CADM2: variants seen among roughly 807,000 people sequenced by gnomAD.
CADM2 encodes the protein immunoglobulin superfamily member 4D.
Under a neutral mutation model 49.8 loss-of-function variants are expected in CADM2, and 12 were observed. The observed-to-expected ratio is 0.24, with a 90% CI of 0.15 to 0.39. The LOEUF is 0.39. Among genes scored for constraint, CADM2 ranks in the 10% least tolerant of loss-of-function variants. The probability of loss-of-function intolerance (pLI) is 1.00; values close to 1 mark genes in which losing one functional copy is unlikely to be tolerated. For synonymous variants in CADM2, 214 were observed against 175.4 expected, an observed-to-expected ratio of 1.22 and a Z score of -1.74; for missense variants, 378 against 492.3, an observed-to-expected ratio of 0.77 and a Z score of 2.20.
chr3:85,248,085 A>G lies in CADM2; in HGVS notation c.61+288417A>G, dbSNP rs188211212. 3.7e-3 allele frequency among the ~76,000 whole-genome samples: 564 copies of G among 152,278 alleles called. 2 individuals are homozygous for G. The highest frequency in any genetic ancestry group is 4.3e-3 in the Non-Finnish European group (291 of 68,016). On this transcript the variant is annotated intron_variant, in intron 1 of 9. Transcript: ENST00000383699. The stretch of plus-strand genomic sequence containing the variant: ...TTCACCTATGACTTGTTTATGAACT[A>G]CATTATTTTTCTCAGCAAAAAAACC...
chr3:85,057,876 C>T (rs571541974), intron 1 of CADM2, among the ~76,000 whole-genome samples: 1 of 152,070 alleles, frequency 6.6e-6, no homozygotes, highest in African/African-American at 2.4e-5. Flanking sequence ...GAAGCCTTAA[C>T]ATGTGGGGTT....
At chr3:85,370,366 G>C (rs1027349948) in intron 1 of CADM2, among the ~76,000 whole-genome samples, 2 of 151,914 alleles carry the variant, frequency 1.3e-5, no homozygotes, top group East Asian at 3.9e-4. Flanking sequence ...AGGTGGCATT[G>C]AGCCAAGATC....
rs986440677 is a variant in CADM2 at position 85,967,828 on chromosome 3, G to A, written c.970+6181G>A. On this transcript the variant is annotated intron_variant, in intron 8 of 9. Coordinates refer to ENST00000383699, the MANE Select transcript of CADM2 (RefSeq NM_001167675.2). ...ACTAGGAGAGTACATCTTCTAGCTCGTATGGGTGGCTGGGGAAGGAAAAAA... is the reference window on the plus strand; with the variant it reads ...ACTAGGAGAGTACATCTTCTAGCTCATATGGGTGGCTGGGGAAGGAAAAAA... Among the ~76,000 whole-genome samples the A allele has an allele frequency of 6.6e-5, 10 of 151,600 alleles. No homozygotes were observed. The East Asian group carries it at 9.8e-4, about 15-fold the overall frequency.
intron 1 of CADM2, among the ~76,000 whole-genome samples, chr3:85,001,097 A>G (rs550541081): frequency 2.3e-4 from 35 of 152,220 alleles, no homozygotes; most frequent in African/African-American, 7.9e-4. Context: ...AAATTTAATT[A>G]ACAAATTGAA....
intron 1 of CADM2, among the ~76,000 whole-genome samples, chr3:85,692,673 G>A (rs573327669): frequency 6.6e-6 from 1 of 152,274 alleles, no homozygotes; most frequent in African/African-American, 2.4e-5. Flanking sequence ...AAGGCACTTT[G>A]TTTCTACATG....
intron 1 of CADM2, among the ~76,000 whole-genome samples, chr3:85,612,124 AAC>A (rs530463546): frequency 9.9e-4 from 150 of 152,044 alleles, no homozygotes; most frequent in African/African-American, 3.5e-3. Context: ...AGAAACTAAT[AAC>A]AGTGTATATT....
intron 1 of CADM2, among the ~76,000 whole-genome samples, chr3:85,648,949 A>G (rs2064967306): frequency 6.6e-6 from 1 of 152,058 alleles, no homozygotes; most frequent in Non-Finnish European, 1.5e-5. Flanking sequence ...CCATGTAAAA[A>G]GAAAGAAATA....
chr3:85,941,512 A>G (rs1721903249), intron 7 of CADM2, among the ~76,000 whole-genome samples: 1 of 152,104 alleles, frequency 6.6e-6, no homozygotes, highest in Non-Finnish European at 1.5e-5. Flanking sequence ...ATTAGAGAGA[A>G]GAGAGGCAGT....
chr3:85,008,339 G>A (rs963989342), intron 1 of CADM2, among the ~76,000 whole-genome samples: 9 of 152,106 alleles, frequency 5.9e-5, no homozygotes, highest in African/African-American at 1.2e-4. Context: ...TTTATTCCCA[G>A]TCAGAAGTGG....
intron 2 of CADM2, among the ~76,000 whole-genome samples, chr3:85,788,392 C>T (rs1330547039): frequency 6.6e-6 from 1 of 152,052 alleles, no homozygotes; most frequent in Non-Finnish European, 1.5e-5. Context: ...TTTCTTATTA[C>T]ATTCCGTAAT....
At chr3:85,649,448 C>G (rs139444160) in intron 1 of CADM2, among the ~76,000 whole-genome samples, 5 of 152,230 alleles carry the variant, frequency 3.3e-5, no homozygotes, top group Non-Finnish European at 7.4e-5. Context: ...CCAAAAAGTT[C>G]TAACTCTCAT....
intron 1 of CADM2, among the ~76,000 whole-genome samples, chr3:85,167,976 G>C (rs780918725): frequency 3.4e-4 from 51 of 151,898 alleles, no homozygotes; most frequent in Non-Finnish European, 5.7e-4. Flanking sequence ...CTAGAGCTTC[G>C]GGCCTAAACA....
intron 8 of CADM2, chr3:86,014,847 A>G: frequency 3.3e-6 from 5 of 1,516,814 alleles, no homozygotes; most frequent in Non-Finnish European, 4.4e-6. Context: ...CCTGCCTGAC[A>G]TCAAGTTTTT....
intron 1 of CADM2, among the ~76,000 whole-genome samples, chr3:85,088,737 C>T (rs921847529): frequency 2.0e-5 from 3 of 152,032 alleles, no homozygotes; most frequent in Admixed American, 6.6e-5. Context: ...CTAAGATACA[C>T]TGATTTGACA....
intron 1 of CADM2, among the ~76,000 whole-genome samples, chr3:85,295,956 A>T (rs2043953194): frequency 6.6e-6 from 1 of 152,078 alleles, no homozygotes; most frequent in Non-Finnish European, 1.5e-5. Flanking sequence ...AGAAGAAAAA[A>T]AAAGTAGTAA....
chr3:85,279,678 A>AT (rs1379389322), intron 1 of CADM2, among the ~76,000 whole-genome samples: 1 of 151,432 alleles, frequency 6.6e-6, no homozygotes, highest in African/African-American at 2.4e-5. Flanking sequence ...TAAGATTTTA[A>AT]TTTTAAGAAA....
chr3:85,180,424 G>T (rs1287695428), intron 1 of CADM2, among the ~76,000 whole-genome samples: 2 of 150,960 alleles, frequency 1.3e-5, no homozygotes, highest in Non-Finnish European at 2.9e-5. Context: ...TGGGAGGATG[G>T]CTTGAGACCA....
intron 1 of CADM2, among the ~76,000 whole-genome samples, chr3:85,014,491 A>G (rs1256411161): frequency 6.6e-6 from 1 of 152,222 alleles, no homozygotes; most frequent in East Asian, 1.9e-4. Flanking sequence ...CATAGTATAC[A>G]TAGCATTTGG....
intron 1 of CADM2, among the ~76,000 whole-genome samples, chr3:84,999,301 C>G (rs2033335863): frequency 1.3e-5 from 2 of 152,056 alleles, no homozygotes; most frequent in Admixed American, 1.3e-4. Context: ...TTTTTGTCAA[C>G]CAATCAATAT....
Sources: allele counts gnomAD v4.1 joint callset (sites outside exome capture counted in the v4.1 genomes callset), GRCh38; gene constraint gnomAD v4.1.1; transcripts MANE v1.5; gene names NCBI Gene and HGNC (gene_info 2026-07-23, HGNC 2026-07-21).